RGS17: variants seen among roughly 807,000 people sequenced by gnomAD.
The protein encoded by RGS17 is regulator of G protein signaling 17, also known as regulator of G-protein signaling 17.
RGS17 carries 12 observed loss-of-function variants against 25.5 expected under a neutral mutation model. The observed-to-expected ratio is 0.47, with a 90% CI of 0.30 to 0.76. The LOEUF is 0.76. Among genes scored for constraint, RGS17 ranks in the 30% least tolerant of loss-of-function variants. RGS17 has a pLI of 0.07. For missense variants in RGS17, 196 were observed against 242.2 expected (o/e 0.81, Z 1.27); for synonymous variants, 71 against 76.9 (o/e 0.92, Z 0.40).
chr6:153,082,103 T>C (rs564529611), intron 1 of RGS17, among the ~76,000 whole-genome samples: 1 of 152,310 alleles, frequency 6.6e-6, no homozygotes, highest in African/African-American at 2.4e-5. Flanking sequence ...GTAGTCATAC[T>C]TACTTTTGTT....
At chr6:153,121,325 T>C (rs1358227209) in intron 1 of RGS17, among the ~76,000 whole-genome samples, 4 of 152,190 alleles carry the variant, frequency 2.6e-5, no homozygotes, top group Non-Finnish European at 5.9e-5. Flanking sequence ...TCCTCTGAAC[T>C]CTACTTTCAG....
intron 1 of RGS17, among the ~76,000 whole-genome samples, chr6:153,129,372 A>C (rs535654502): frequency 6.6e-6 from 1 of 152,338 alleles, no homozygotes; most frequent in South Asian, 2.1e-4. Flanking sequence ...TAGGAGTGCT[A>C]TAATGCATAT....
chr6:153,103,238 G>A (rs924327339), intron 1 of RGS17, among the ~76,000 whole-genome samples: 20 of 152,122 alleles, frequency 1.3e-4, no homozygotes, highest in African/African-American at 4.8e-4. Context: ...ATCAAACAGT[G>A]GTTAAGGAAT....
At chr6:153,039,945 G>C (rs1392556899) in intron 2 of RGS17, among the ~76,000 whole-genome samples, 1 of 152,204 alleles carries the variant, frequency 6.6e-6, no homozygotes, top group Admixed American at 6.5e-5. Context: ...GTTACTATCT[G>C]AAGAAACGAG....
intron 1 of RGS17, among the ~76,000 whole-genome samples, chr6:153,128,427 C>G (rs1036420641): frequency 6.6e-6 from 1 of 152,144 alleles, no homozygotes; most frequent in Non-Finnish European, 1.5e-5. Context: ...TGGCATCGTA[C>G]CTCATCATCC....
intron 1 of RGS17, among the ~76,000 whole-genome samples, chr6:153,048,964 C>A (rs1776421510): frequency 6.6e-6 from 1 of 152,046 alleles, no homozygotes; most frequent in Non-Finnish European, 1.5e-5. Flanking sequence ...ACTAGGTACA[C>A]AAATATTTGT....
chr6:153,054,357 T>C (rs1215582786), intron 1 of RGS17, among the ~76,000 whole-genome samples: 1 of 151,476 alleles, frequency 6.6e-6, no homozygotes, highest in African/African-American at 2.4e-5. Context: ...GTTGTTAGAT[T>C]TGCAAGACCG....
chr6:153,044,225 A>C (rs1385139269), intron 1 of RGS17, among the ~76,000 whole-genome samples, 182 bp from the exon 2 acceptor site: 1 of 152,186 alleles, frequency 6.6e-6, no homozygotes, highest in African/African-American at 2.4e-5. Context: ...TATACTAAAA[A>C]CTTTGGGGAG....
chr6:153,128,528 A>C (rs1777739086), intron 1 of RGS17, among the ~76,000 whole-genome samples: 1 of 152,204 alleles, frequency 6.6e-6, no homozygotes, highest in Non-Finnish European at 1.5e-5. Flanking sequence ...TTAGATTAAA[A>C]GGTAAAATCT....
At chr6:153,101,059 C>A (rs1316940349) in intron 1 of RGS17, among the ~76,000 whole-genome samples, 1 of 151,828 alleles carries the variant, frequency 6.6e-6, no homozygotes, top group Admixed American at 6.6e-5. Flanking sequence ...CTCGGTTAAA[C>A]TTAATTTGGC....
At chr6:153,088,824 CAT>C (rs747466145) in intron 1 of RGS17, among the ~76,000 whole-genome samples, 5 of 152,080 alleles carry the variant, frequency 3.3e-5, no homozygotes, top group Admixed American at 1.3e-4. Flanking sequence ...TTTATCCATT[CAT>C]ATTTCAGATT....
chr6:153,046,961 C>T (rs1776392948), intron 1 of RGS17, among the ~76,000 whole-genome samples: 1 of 152,114 alleles, frequency 6.6e-6, no homozygotes, highest in Non-Finnish European at 1.5e-5. Context: ...AGTAAAAACA[C>T]ATCTAGATGA....
chr6:153,059,973 C>T (rs1776612667), intron 1 of RGS17, among the ~76,000 whole-genome samples: 1 of 152,126 alleles, frequency 6.6e-6, no homozygotes, highest in South Asian at 2.1e-4. Flanking sequence ...TTGAGGCTTC[C>T]TGTGTCTCAA....
At chr6:153,112,695 G>C (rs1171401967) in intron 1 of RGS17, among the ~76,000 whole-genome samples, 1 of 152,206 alleles carries the variant, frequency 6.6e-6, no homozygotes, top group African/African-American at 2.4e-5. Context: ...TACCCACAAA[G>C]GGAAGCCCAT....
At chr6:153,099,059 A>G (rs1314557283) in intron 1 of RGS17, among the ~76,000 whole-genome samples, 2 of 152,162 alleles carry the variant, frequency 1.3e-5, no homozygotes, top group African/African-American at 4.8e-5. Context: ...ACGTTCTAAA[A>G]TGAAATTGAC....
chr6:153,069,240 T>C (rs1344014184), intron 1 of RGS17, among the ~76,000 whole-genome samples: 1 of 152,114 alleles, frequency 6.6e-6, no homozygotes, highest in East Asian at 1.9e-4. Flanking sequence ...GAAAATATGG[T>C]ACATATACAC....
chr6:153,065,845 G>T (rs1346517316), intron 1 of RGS17, among the ~76,000 whole-genome samples: 6 of 151,938 alleles, frequency 3.9e-5, no homozygotes, highest in Non-Finnish European at 7.4e-5. Context: ...AACTTCAAAT[G>T]AATAACCTAA....
chr6:153,113,193 A>G (rs187014397), intron 1 of RGS17, among the ~76,000 whole-genome samples: 5 of 152,330 alleles, frequency 3.3e-5, no homozygotes, highest in Admixed American at 3.3e-4. Context: ...CTCATGTGCA[A>G]AGACACACAT....
chr6:153,020,111 A>T (rs9384065), intron 4 of RGS17, among the ~76,000 whole-genome samples: 21,284 of 57,928 alleles, frequency 0.37, 4,109 homozygotes, highest in Admixed American at 0.49. Context: ...AAAAAAAAAA[A>T]ATATATATAT....
Sources: allele counts gnomAD v4.1 joint callset (sites outside exome capture counted in the v4.1 genomes callset), GRCh38; gene constraint gnomAD v4.1.1; transcripts MANE v1.5; gene names NCBI Gene and HGNC (gene_info 2026-07-23, HGNC 2026-07-21).